Variants in MSI2 observed in about 807,000 individuals in gnomAD.
MSI2 encodes musashi RNA binding protein 2, also known as RNA-binding protein Musashi homolog 2.
A neutral mutation model predicts 45.6 loss-of-function variants in MSI2; 17 were observed. The ratio of observed to expected loss-of-function variants is 0.37; its 90% CI spans 0.26 to 0.56. MSI2 has a LOEUF of 0.56. Ranked by LOEUF, MSI2 falls within the 20% of genes least tolerant of loss-of-function variation. The pLI, the probability that MSI2 is intolerant of heterozygous loss-of-function variation, is 0.77. For synonymous variants in MSI2, 156 were observed against 158.2 expected, an observed-to-expected ratio of 0.99 and a Z score of 0.11; for missense variants, 293 against 444.2, an observed-to-expected ratio of 0.66 and a Z score of 3.06.
intron 6 of MSI2, among the ~76,000 whole-genome samples, chr17:57,484,852 C>T (rs997181941): frequency 1.3e-5 from 2 of 152,126 alleles, no homozygotes; most frequent in South Asian, 4.1e-4. Flanking sequence ...CTTACCTGTG[C>T]TCGAAGACCC....
intron 6 of MSI2, among the ~76,000 whole-genome samples, chr17:57,418,091 CT>C (rs2084329149): frequency 6.6e-6 from 1 of 152,194 alleles, no homozygotes; most frequent in African/African-American, 2.4e-5. Context: ...GTCTCTGTCC[CT>C]GCTACTCGGT....
At chr17:57,573,334 GC>G (rs5821191) in intron 7 of MSI2, among the ~76,000 whole-genome samples, 78,840 of 152,090 alleles carry the variant, frequency 0.52, 21,478 homozygotes, top group African/African-American at 0.7. Flanking sequence ...CGTGCTCTGT[GC>G]CAAGTGCCCT....
intron 6 of MSI2, among the ~76,000 whole-genome samples, chr17:57,466,309 C>G (rs2085329368): frequency 1.3e-5 from 2 of 152,220 alleles, no homozygotes; most frequent in African/African-American, 2.4e-5. Flanking sequence ...TTTACACTTG[C>G]TGGTAACCTG....
upstream of MSI2, among the ~76,000 whole-genome samples, chr17:57,256,288 C>A (rs1906700510): frequency 6.6e-6 from 1 of 151,712 alleles, no homozygotes; most frequent in Non-Finnish European, 1.5e-5. Context: ...GGGTCCCCTC[C>A]GCCCGCGGGG....
At chr17:57,470,288 A>ATTTAT (rs1555610211) in intron 6 of MSI2, among the ~76,000 whole-genome samples, 1 of 151,682 alleles carries the variant, frequency 6.6e-6, no homozygotes, top group Admixed American at 6.6e-5. Context: ...TTATTTATTT[A>ATTTAT]TTTTTTTGAG....
intron 10 of MSI2, among the ~76,000 whole-genome samples, chr17:57,640,997 C>T (rs1482389228): frequency 1.3e-5 from 2 of 148,330 alleles, no homozygotes; most frequent in Non-Finnish European, 3.0e-5. Context: ...GTGGTATAAA[C>T]TACTGGCTGT....
At chr17:57,284,346 G>A (rs968826712) in intron 5 of MSI2, among the ~76,000 whole-genome samples, 1 of 150,358 alleles carries the variant, frequency 6.7e-6, no homozygotes, top group African/African-American at 2.4e-5. Context: ...CCGCCACCCC[G>A]AAACGTTTGT....
chr17:57,351,672 A>T (rs968060355), intron 5 of MSI2, among the ~76,000 whole-genome samples: 1 of 152,208 alleles, frequency 6.6e-6, no homozygotes, highest in Non-Finnish European at 1.5e-5. Context: ...CCTGGCCAAC[A>T]TGGCGAAACC....
intron 10 of MSI2, chr17:57,629,238 G>A (rs1472420515): frequency 6.6e-6 from 1 of 152,212 alleles, no homozygotes; most frequent in Non-Finnish European, 1.5e-5. Flanking sequence ...AGACCCGCCT[G>A]GCCAACATGG....
intron 7 of MSI2, among the ~76,000 whole-genome samples, chr17:57,575,331 G>A (rs1173325183): frequency 6.6e-6 from 1 of 152,096 alleles, no homozygotes; most frequent in African/African-American, 2.4e-5. Flanking sequence ...GTCCTATCTT[G>A]TCGGTGGAAG....
At chr17:57,474,527 C>G (rs969154116) in intron 6 of MSI2, among the ~76,000 whole-genome samples, 1 of 152,142 alleles carries the variant, frequency 6.6e-6, no homozygotes, top group East Asian at 1.9e-4. Context: ...TAGCATCCCC[C>G]ACCCCCAGTC....
At chr17:57,456,363 A>T (rs940560165) in intron 6 of MSI2, among the ~76,000 whole-genome samples, 2 of 152,192 alleles carry the variant, frequency 1.3e-5, no homozygotes, top group East Asian at 3.8e-4. Context: ...TAATCCCAGC[A>T]CTTTGGGAGG....
chr17:57,439,576 T>TTG (rs1232069750), intron 6 of MSI2, among the ~76,000 whole-genome samples: 2 of 148,840 alleles, frequency 1.3e-5, no homozygotes, highest in Admixed American at 6.7e-5. Flanking sequence ...TTTTTTTTTT[T>TTG]GGTGGCATCT....
chr17:57,273,259 A>G, intron 5 of MSI2, among the ~76,000 whole-genome samples: 1 of 152,156 alleles, frequency 6.6e-6, no homozygotes, highest in East Asian at 1.9e-4. Flanking sequence ...AATTTTAATT[A>G]TACAAATTTT....
chr17:57,430,071 A>G (rs1038726949), intron 6 of MSI2, among the ~76,000 whole-genome samples: 3 of 152,214 alleles, frequency 2.0e-5, no homozygotes, highest in African/African-American at 7.2e-5. Context: ...TCCGATGTTT[A>G]TTTAAATCAT....
At chr17:57,673,713 TG>T (rs530129367) in intron 11 of MSI2, among the ~76,000 whole-genome samples, 8 of 151,976 alleles carry the variant, frequency 5.3e-5, no homozygotes, top group South Asian at 2.1e-4. Context: ...ATGATGGGAT[TG>T]GGGGGGCCGA....
intron 7 of MSI2, among the ~76,000 whole-genome samples, chr17:57,549,038 TTTTA>T (rs1338621963): frequency 4.6e-5 from 7 of 152,156 alleles, no homozygotes; most frequent in East Asian, 3.9e-4. Context: ...GACAGAATTA[TTTTA>T]TTTGTTTGTT....
At chr17:57,397,280 A>G (rs2083908127) in intron 5 of MSI2, among the ~76,000 whole-genome samples, 1 of 152,210 alleles carries the variant, frequency 6.6e-6, no homozygotes. Flanking sequence ...AAAGGAGTAT[A>G]GAACCCGGGG....
intron 7 of MSI2, among the ~76,000 whole-genome samples, chr17:57,570,728 G>A (rs72833094): frequency 0.069 from 10,493 of 152,278 alleles, 450 homozygotes; most frequent in Middle Eastern, 0.12. Context: ...GGCCCAGCAT[G>A]GCGCCCACTG....
Sources: allele counts gnomAD v4.1 joint callset (sites outside exome capture counted in the v4.1 genomes callset), GRCh38; gene constraint gnomAD v4.1.1; transcripts MANE v1.5; gene names NCBI Gene and HGNC (gene_info 2026-07-23, HGNC 2026-07-21).